The following SPTBN1 variants were observed in gnomAD, a reference collection of about 807,000 sequenced individuals.
The protein encoded by SPTBN1 is spectrin beta, non-erythrocytic 1.
Under a neutral mutation model 266.4 loss-of-function variants are expected in SPTBN1, and 32 were observed. That is an observed-to-expected ratio of 0.12 (90% CI 0.09 to 0.16). The LOEUF (loss-of-function observed/expected upper bound fraction) is 0.16. SPTBN1 is among the 10% of genes least tolerant of loss of function. The probability of loss-of-function intolerance (pLI) is 1.00; values close to 1 mark genes in which losing one functional copy is unlikely to be tolerated. For synonymous variants in SPTBN1, 1,336 were observed against 1,162.2 expected (o/e 1.15, Z -3.04); for missense variants, 2,296 against 3,067.1 (o/e 0.75, Z 5.94).
chr2:54,555,573 C>CT (rs1672817283), intron 2 of SPTBN1, among the ~76,000 whole-genome samples: 1 of 152,210 alleles, frequency 6.6e-6, no homozygotes, highest in Non-Finnish European at 1.5e-5. Flanking sequence ...ATTTCCTCTC[C>CT]TTTCTGCCCA....
chr2:54,662,191 C>T (rs1681094590), intron 32 of SPTBN1: 2 of 985,316 alleles, frequency 2.0e-6, no homozygotes, highest in South Asian at 4.7e-5. Context: ...GATGTGTTCA[C>T]ATGTACCCAT....
At position 54,629,597 on chromosome 2, in the gene SPTBN1, G is replaced by T. The variant is rs767039139; in HGVS notation, c.2463G>T (p.Arg821Ser). 1.9e-6 allele frequency: 3 copies of T among 1,614,036 alleles called. No individual in the cohort carries two copies. Among genetic ancestry groups the T allele is most frequent in the Non-Finnish European group, 2.5e-6 (3 of 1,180,026 alleles). The change falls in exon 14 of 36, where the codon AGG (arginine) becomes AGT (serine). Residue 821 changes from arginine to serine, a missense_variant. Physicochemically the swap from Arg to Ser is moderately radical, Grantham distance 110. Transcript: ENST00000356805. ...PQEHAESPDV[R>S]GRLSGIEERY... ...AGCATGCCGAGTCTCCAGACGTGAG[G>T]GGCAGGCTGTCGGGCATCGAGGAGC...
At chr2:54,635,918 G>T (rs1417985342) in intron 17 of SPTBN1, among the ~76,000 whole-genome samples, 1 of 152,156 alleles carries the variant, frequency 6.6e-6, no homozygotes, top group Non-Finnish European at 1.5e-5. Flanking sequence ...ATTCTTTTTA[G>T]CCCAAATTCA....
Position 54,645,548 on chromosome 2 carries a change from G to A in SPTBN1, c.4494+95G>A. 1 of 1,360,712 alleles carries A rather than the reference G, an allele frequency of 7.3e-7. No individual in the cohort carries two copies. The highest frequency in any genetic ancestry group is 1.4e-5 in the South Asian group (1 of 73,058). 84.3% of individuals were successfully genotyped at this position (1,360,712 alleles called of 1,614,324 possible). On this transcript the variant is annotated intron_variant, in intron 21 of 35. Transcript: ENST00000356805. The surrounding 1 kb of genome is among the most constrained non-coding windows in gnomAD (Gnocchi z 4.3). ...CACTTCTCAGTCATCCTCACCTTGG[G>A]CCACGTTGGCAAGCTGAGCTGCCAA...
intron 1 of SPTBN1, among the ~76,000 whole-genome samples, chr2:54,495,733 A>G (rs1008000423): frequency 7.4e-6 from 1 of 135,126 alleles, no homozygotes; most frequent in Non-Finnish European, 1.6e-5. Flanking sequence ...ATAAAATATC[A>G]TTGTTTTTAT....
intron 2 of SPTBN1, among the ~76,000 whole-genome samples, chr2:54,535,867 C>T (rs1371251097): frequency 6.6e-6 from 1 of 152,132 alleles, no homozygotes; most frequent in East Asian, 1.9e-4. Context: ...CAAAATGAGC[C>T]GGATGTGGTG....
At chr2:54,578,106 C>T (rs931087092) in intron 2 of SPTBN1, among the ~76,000 whole-genome samples, 3 of 152,126 alleles carry the variant, frequency 2.0e-5, no homozygotes, top group African/African-American at 7.2e-5. Context: ...TGTATTTTCC[C>T]AGTATATGAA....
At chr2:54,633,251 G>T (rs1350076806) in intron 17 of SPTBN1, among the ~76,000 whole-genome samples, 2 of 152,174 alleles carry the variant, frequency 1.3e-5, no homozygotes, top group Non-Finnish European at 2.9e-5. Flanking sequence ...ACATTACCTG[G>T]ACTTTTTTAG....
Position 54,665,994 on chromosome 2 carries a change from A to G in SPTBN1, c.6739A>G (p.Ile2247Val). The part of the protein sequence containing the change: ...YKDAKTAASG[I>V]PYHSEVPVSL... ...AGATGCAAAGACTGCTGCTTCTGGA[A>G]TTCCCTACCACAGCGAGGTCCCTGT... Residue 2247 changes from isoleucine (I) to valine (V), a missense_variant, in exon 34 of 36, where the codon ATT (isoleucine) becomes GTT (valine). Coordinates refer to ENST00000356805, the MANE Select transcript of SPTBN1 (RefSeq NM_003128.3). 1 of 1,614,136 alleles carries G rather than the reference A, an allele frequency of 6.2e-7. No homozygotes were observed. The highest frequency in any genetic ancestry group is 8.5e-7 in the Non-Finnish European group (1 of 1,180,028).
intron 1 of SPTBN1, among the ~76,000 whole-genome samples, chr2:54,496,605 G>A (rs1265171738): frequency 6.6e-6 from 1 of 152,086 alleles, no homozygotes; most frequent in East Asian, 1.9e-4. Context: ...TAACAGATAC[G>A]TAGACAGAAG....
chr2:54,652,267 G>A (rs1304819915), intron 26 of SPTBN1, among the ~76,000 whole-genome samples: 1 of 152,138 alleles, frequency 6.6e-6, no homozygotes, highest in African/African-American at 2.4e-5. Context: ...GCAGTTATTA[G>A]CTTCAGTTTT....
chr2:54,517,934 G>A (rs1670207100), intron 1 of SPTBN1, among the ~76,000 whole-genome samples: 1 of 136,628 alleles, frequency 7.3e-6, no homozygotes, highest in Non-Finnish European at 1.5e-5. Context: ...ATGAGCCACT[G>A]TGCCTGGTAT....
rs1401503525 is a variant in SPTBN1, at chr2:54,522,711, G to GAAAGAAAGAAAGAAAGGAAA, written c.-47-3661_-47-3660insAAAGAAAGAAAGAAAGGAAA. Among the ~76,000 whole-genome samples the GAAAGAAAGAAAGAAAGGAAA allele has an allele frequency of 1.7e-4, 16 of 93,122 alleles. No homozygotes were observed. The South Asian group carries it at 4.6e-3, about 27-fold the overall frequency. The allele number at this position is 93,122 out of a possible 152,430, so 61.1% of individuals were successfully genotyped here. ...AGAGAGAGAGAGAGAAAGAAAGAAA[G>GAAAGAAAGAAAGAAAGGAAA]GAAAGAAAGAAAGAAAGAAAGAAAT... On this transcript the variant is annotated intron_variant, in intron 1 of 35. Transcript: ENST00000356805.
chr2:54,595,646 C>T (rs72920525), intron 2 of SPTBN1, among the ~76,000 whole-genome samples: 1 of 152,220 alleles, frequency 6.6e-6, no homozygotes, highest in Admixed American at 6.5e-5. Flanking sequence ...GCCATTTCTG[C>T]TGCCTTCGAG....
chr2:54,604,103 C>G (rs1007602318), intron 3 of SPTBN1, among the ~76,000 whole-genome samples: 28 of 152,226 alleles, frequency 1.8e-4, no homozygotes, highest in African/African-American at 6.3e-4. Flanking sequence ...TATGGCAGAT[C>G]TAGGCCTCAT....
At chr2:54,564,394 C>T (rs190849718) in intron 2 of SPTBN1, among the ~76,000 whole-genome samples, 1 of 152,286 alleles carries the variant, frequency 6.6e-6, no homozygotes, top group Admixed American at 6.5e-5. Flanking sequence ...AAGGGGTCTG[C>T]ACAGCCTCAC....
intron 2 of SPTBN1, among the ~76,000 whole-genome samples, chr2:54,563,096 A>G (rs1673425723): frequency 6.6e-6 from 1 of 152,166 alleles, no homozygotes; most frequent in African/African-American, 2.4e-5. Context: ...TTTAGGCTGC[A>G]CGGTGTTCTG....
intron 19 of SPTBN1, 152 bp downstream of exon 19, chr2:54,643,281 G>A: frequency 2.5e-6 from 3 of 1,199,034 alleles, no homozygotes; most frequent in Non-Finnish European, 3.4e-6. Flanking sequence ...GCACGTACGG[G>A]TTCCTGACTT....
intron 2 of SPTBN1, among the ~76,000 whole-genome samples, chr2:54,573,892 A>G (rs1446709297): frequency 2.7e-5 from 4 of 150,306 alleles, no homozygotes. Flanking sequence ...GAATGGATGT[A>G]TTTATGGGAG....
Sources: allele counts gnomAD v4.1 joint callset (sites outside exome capture counted in the v4.1 genomes callset), GRCh38; gene constraint gnomAD v4.1.1; non-coding constraint Gnocchi (gnomAD v3.1); transcripts MANE v1.5; gene names NCBI Gene and HGNC (gene_info 2026-07-23, HGNC 2026-07-21).